The following ZNF503 variants were observed in gnomAD, a reference collection of about 807,000 sequenced individuals.
ZNF503 encodes zinc finger protein 503, also known as NocA-like zinc finger 2.
In ZNF503, 15 loss-of-function variants were observed where a neutral mutation model predicts 34.4. The ratio of observed to expected loss-of-function variants is 0.44; its 90% CI spans 0.29 to 0.67. The LOEUF (loss-of-function observed/expected upper bound fraction) is 0.67. Among genes scored for constraint, ZNF503 ranks in the 30% least tolerant of loss-of-function variants. The pLI, the probability that ZNF503 is intolerant of heterozygous loss-of-function variation, is 0.13. For missense variants in ZNF503, 1,007 were observed against 926.8 expected, an observed-to-expected ratio of 1.09 and a Z score of -1.12; for synonymous variants, 580 against 456.8, an observed-to-expected ratio of 1.27 and a Z score of -3.44.
At chr10:75,286,285 GAA>G in the ZNF503 span, among the ~76,000 whole-genome samples, 82 of 139,986 alleles carry the variant, frequency 5.9e-4, no homozygotes, top group Middle Eastern at 7.4e-3. Context: ...ACTGTCTCAG[GAA>G]AAAAAAAAAA....
the ZNF503 span, among the ~76,000 whole-genome samples, chr10:75,387,682 A>G: frequency 1.2e-4 from 18 of 152,046 alleles, no homozygotes; most frequent in Admixed American, 1.0e-3. Context: ...GTCACAAATG[A>G]GTTGAGTTAG....
chr10:75,289,688 T>A, the ZNF503 span, among the ~76,000 whole-genome samples: 1 of 152,060 alleles, frequency 6.6e-6, no homozygotes, highest in Non-Finnish European at 1.5e-5. Flanking sequence ...CGAGTTCAAG[T>A]AATTCTCCTG....
At chr10:75,327,235 C>T in the ZNF503 span, among the ~76,000 whole-genome samples, 1 of 151,036 alleles carries the variant, frequency 6.6e-6, no homozygotes, top group Non-Finnish European at 1.5e-5. Context: ...TATTCCCACC[C>T]ACCCTGCCCC....
At chr10:75,311,804 A>G in the ZNF503 span, among the ~76,000 whole-genome samples, 1 of 151,742 alleles carries the variant, frequency 6.6e-6, no homozygotes, top group Non-Finnish European at 1.5e-5. Flanking sequence ...CAGTGTGAGA[A>G]CAGATTAATA....
chr10:75,398,483 C>CTT lies in ZNF503; in HGVS notation c.*264_*265dup. ...TGAACACTTTCTCAATTATTTTTTC[C>CTT]TTTTTTTTTCTATAAAAAGTCAAAT... is the stretch of plus-strand genomic sequence containing the variant. On this transcript the variant is annotated 3_prime_UTR_variant, in exon 2 of 2. Transcript: ENST00000372524. 2.8e-6 allele frequency: 1 copy of CTT among 356,200 alleles called. No individual in the cohort carries two copies. The highest frequency in any genetic ancestry group is 5.0e-6 in the Non-Finnish European group (1 of 200,212). 22.1% of individuals were successfully genotyped at this position (356,200 alleles called of 1,614,324 possible).
Position 75,397,952 on chromosome 10 carries a change from TAA to T in ZNF503, c.*795_*796del, listed in dbSNP as rs978136457. On this transcript the variant is annotated 3_prime_UTR_variant, in exon 2 of 2. Coordinates refer to ENST00000372524, the MANE Select transcript of ZNF503 (RefSeq NM_032772.6). ...CTTCTCAGCGGGTGGACTTAAAAAT[TAA>T]AAATAGTTAAGTGTTCCTTTTAAAG... 4.6e-5 allele frequency: 7 copies of T among 152,664 alleles called. No homozygotes were observed. The highest frequency in any genetic ancestry group is 1.7e-4 in the African/African-American group (7 of 41,460). The allele number at this position is 152,664 out of a possible 1,614,324, so 9.5% of individuals were successfully genotyped here. A position where few individuals can be genotyped will look rare whatever the true frequency, so the allele number is the denominator to read the frequency against.
the ZNF503 span, among the ~76,000 whole-genome samples, chr10:75,340,532 G>A: frequency 6.6e-6 from 1 of 151,790 alleles, no homozygotes; most frequent in Non-Finnish European, 1.5e-5. Context: ...ATTAGAGATT[G>A]GATAATAAAT....
the ZNF503 span, among the ~76,000 whole-genome samples, chr10:75,322,698 G>C: frequency 6.6e-6 from 1 of 152,004 alleles, no homozygotes; most frequent in African/African-American, 2.4e-5. Context: ...AAAATTAGCT[G>C]AGCATGGTGG....
chr10:75,317,084 G>C, the ZNF503 span, among the ~76,000 whole-genome samples: 1 of 152,070 alleles, frequency 6.6e-6, no homozygotes, highest in Admixed American at 6.6e-5. Flanking sequence ...TGGGACTACA[G>C]GTGCACACCA....
chr10:75,399,546 C>T lies in ZNF503; in HGVS notation c.1144G>A (p.Asp382Asn), dbSNP rs1172070238. The change falls in exon 2 of 2, where the codon GAC becomes AAC. Residue 382 changes from aspartate (D) to asparagine (N), a missense_variant. By Grantham distance (23) the Asp-to-Asn change is conservative. Coordinates refer to ENST00000372524, the MANE Select transcript of ZNF503 (RefSeq NM_032772.6). The stretch of plus-strand genomic sequence containing the variant: ...ACCAGGCTGCCCGGCTTGGTGGGGT[C>T]AAGTGCCACGCCGTGTGGCAGGAAC... Reference protein sequence around the residue: ...PQFLPHGVALDPTKPGSLVGA... With the variant: ...PQFLPHGVALNPTKPGSLVGA... 3 of 1,592,810 alleles carry T rather than the reference C, an allele frequency of 1.9e-6. No homozygotes were observed. The highest frequency in any genetic ancestry group is 2.2e-5 in the South Asian group (2 of 90,300).
intron 1 of ZNF503, among the ~76,000 whole-genome samples, chr10:75,400,784 G>A (rs902096802): frequency 6.6e-6 from 1 of 152,250 alleles, no homozygotes; most frequent in South Asian, 2.1e-4. Flanking sequence ...CTGCGGATAC[G>A]AAGGACGGCG....
the ZNF503 span, among the ~76,000 whole-genome samples, chr10:75,391,846 G>A: frequency 2.0e-5 from 3 of 151,478 alleles, no homozygotes; most frequent in South Asian, 2.1e-4. Flanking sequence ...TCCAGGTACC[G>A]TGCTAGCTGC....
At chr10:75,337,496 T>TA in the ZNF503 span, among the ~76,000 whole-genome samples, 3 of 149,634 alleles carry the variant, frequency 2.0e-5, no homozygotes, top group African/African-American at 7.4e-5. Context: ...CAGGCGCCTG[T>TA]AATCCCAGCT....
the ZNF503 span, among the ~76,000 whole-genome samples, chr10:75,328,810 G>T: frequency 1.3e-4 from 19 of 143,284 alleles, no homozygotes; most frequent in African/African-American, 4.2e-4. Context: ...GCAGTGGTGT[G>T]ATCTCGGCTC....
chr10:75,351,364 G>A, the ZNF503 span, among the ~76,000 whole-genome samples: 7 of 152,166 alleles, frequency 4.6e-5, no homozygotes, highest in African/African-American at 1.7e-4. Flanking sequence ...TAGAGACGGG[G>A]TTTCACCATG....
chr10:75,399,712 G>A lies in ZNF503; in HGVS notation c.978C>T (p.Pro326=). 1.3e-6 allele frequency: 2 copies of A among 1,598,428 alleles called. No individual in the cohort carries two copies. Among genetic ancestry groups the A allele is most frequent in the Non-Finnish European group, 1.7e-6 (2 of 1,178,062 alleles). Residue 326 remains proline, a synonymous_variant, in exon 2 of 2, where the codon CCC becomes CCT. Transcript: ENST00000372524. ...CAGAGCCCAACACTGAGGAGGAGGTGGGCGCGCTGGGGCCGGAGCCGGAGC... is the reference window on the plus strand; with the variant it reads ...CAGAGCCCAACACTGAGGAGGAGGTAGGCGCGCTGGGGCCGGAGCCGGAGC... ...GSSSGSGPSA[P]TSSSVLGSGL...
At chr10:75,356,928 T>C in the ZNF503 span, among the ~76,000 whole-genome samples, 6 of 152,302 alleles carry the variant, frequency 3.9e-5, 1 homozygote, top group African/African-American at 1.4e-4. Context: ...TTCTATTTAT[T>C]GAAGAAGAAA....
the ZNF503 span, among the ~76,000 whole-genome samples, chr10:75,311,078 A>G: frequency 2.0e-5 from 3 of 152,164 alleles, no homozygotes; most frequent in East Asian, 5.8e-4. Context: ...GACTCACACA[A>G]TCAGAAGGTG....
chr10:75,335,594 C>A, the ZNF503 span, among the ~76,000 whole-genome samples: 1 of 152,216 alleles, frequency 6.6e-6, no homozygotes, highest in Non-Finnish European at 1.5e-5. Context: ...AACAGTCTAG[C>A]CCCAACCTAT....
Sources: gnomAD v4.1 joint callset for allele counts (sites outside exome capture counted in the v4.1 genomes callset) on GRCh38, gnomAD v4.1.1 for gene constraint, MANE v1.5 for transcripts, NCBI Gene and HGNC (gene_info 2026-07-23, HGNC 2026-07-21) for gene names.